Variants in GALNTL6 observed in about 807,000 individuals in gnomAD.
The protein encoded by GALNTL6 is polypeptide N-acetylgalactosaminyltransferase like 6.
GALNTL6 carries 46 observed loss-of-function variants against 73.7 expected under a neutral mutation model. That is an observed-to-expected ratio of 0.62 (90% CI 0.49 to 0.80). The LOEUF (loss-of-function observed/expected upper bound fraction) is 0.80. GALNTL6 is among the 30% of genes least tolerant of loss of function. The pLI is 0.00. For missense variants in GALNTL6, 604 were observed against 755.0 expected, an observed-to-expected ratio of 0.80 and a Z score of 2.34; for synonymous variants, 259 against 263.7, an observed-to-expected ratio of 0.98 and a Z score of 0.17.
At chr4:172,288,534 T>A (rs1174454212) in intron 3 of GALNTL6, among the ~76,000 whole-genome samples, 2 of 152,188 alleles carry the variant, frequency 1.3e-5, no homozygotes, top group African/African-American at 4.8e-5. Flanking sequence ...AAATATGGAA[T>A]AATTATTTAA....
intron 3 of GALNTL6, among the ~76,000 whole-genome samples, chr4:172,277,337 C>T (rs1319433668): frequency 6.6e-6 from 1 of 151,904 alleles, no homozygotes; most frequent in African/African-American, 2.4e-5. Flanking sequence ...AATGGGTTGA[C>T]GCTGTTGTTA....
At position 171,961,277 on chromosome 4, in the gene GALNTL6, A is replaced by T. The variant is rs72993035; in HGVS notation, c.138+146559A>T. 9.2e-3 allele frequency among the ~76,000 whole-genome samples: 1,400 copies of T among 152,264 alleles called. 26 individuals are homozygous for T. Among genetic ancestry groups the T allele is most frequent in the African/African-American group, 0.032 (1,324 of 41,526 alleles). The stretch of plus-strand genomic sequence containing the variant: ...GTAAACTGTCTTCATACCTTGTCTA[A>T]CAGTCCCTGTACAGGGTTCCTGACC... On this transcript the variant is annotated intron_variant, in intron 2 of 12. Transcript: ENST00000506823.
intron 5 of GALNTL6, among the ~76,000 whole-genome samples, chr4:172,709,139 T>G (rs921169337): frequency 6.6e-6 from 1 of 152,182 alleles, no homozygotes; most frequent in Non-Finnish European, 1.5e-5. Context: ...GATGATCACA[T>G]GCAGGTTTTC....
At chr4:172,110,764 G>C (rs572287939) in intron 2 of GALNTL6, among the ~76,000 whole-genome samples, 62 of 152,210 alleles carry the variant, frequency 4.1e-4, no homozygotes, top group African/African-American at 1.5e-3. Flanking sequence ...ATATCTTAAT[G>C]TTAAATGTTG....
At chr4:172,045,664 T>C (rs906301155) in intron 2 of GALNTL6, among the ~76,000 whole-genome samples, 31 of 151,854 alleles carry the variant, frequency 2.0e-4, no homozygotes, top group Admixed American at 1.8e-3. Context: ...TTTTCTTTAA[T>C]AGAAAATATC....
chr4:172,826,816 C>T (rs1186901776), intron 7 of GALNTL6, among the ~76,000 whole-genome samples: 1 of 152,232 alleles, frequency 6.6e-6, no homozygotes, highest in Non-Finnish European at 1.5e-5. Flanking sequence ...AACTTGGTCT[C>T]TTATGGGTAG....
intron 5 of GALNTL6, among the ~76,000 whole-genome samples, chr4:172,426,770 T>C (rs1231875588): frequency 6.6e-6 from 1 of 152,122 alleles, no homozygotes; most frequent in Admixed American, 6.6e-5. Flanking sequence ...GATTTTCCTC[T>C]AGTAAAAATA....
chr4:172,933,770 C>G (rs1239595199), intron 9 of GALNTL6, among the ~76,000 whole-genome samples: 1 of 152,146 alleles, frequency 6.6e-6, no homozygotes, highest in Admixed American at 6.5e-5. Context: ...ATATATACTT[C>G]AAATGCAGGG....
At chr4:172,779,362 C>T (rs544152286) in intron 5 of GALNTL6, among the ~76,000 whole-genome samples, 2 of 152,190 alleles carry the variant, frequency 1.3e-5, no homozygotes, top group East Asian at 3.9e-4. Flanking sequence ...CTCAACTCTC[C>T]TAAATACCTG....
At chr4:172,335,611 T>A (rs186087998) in intron 4 of GALNTL6, among the ~76,000 whole-genome samples, 41 of 152,314 alleles carry the variant, frequency 2.7e-4, no homozygotes, top group African/African-American at 7.0e-4. Context: ...TATTGCTGAA[T>A]TCAAATTTGG....
intron 5 of GALNTL6, among the ~76,000 whole-genome samples, chr4:172,489,067 T>C (rs770062526): frequency 2.6e-4 from 40 of 152,360 alleles, no homozygotes; most frequent in Admixed American, 7.2e-4. Context: ...GCATTTATAC[T>C]CAAGCATACC....
intron 2 of GALNTL6, among the ~76,000 whole-genome samples, chr4:172,083,839 C>G (rs1402149723): frequency 6.6e-6 from 1 of 152,108 alleles, no homozygotes; most frequent in Non-Finnish European, 1.5e-5. Flanking sequence ...GTTCTAATGA[C>G]CATAACAATG....
intron 2 of GALNTL6, among the ~76,000 whole-genome samples, chr4:172,212,658 T>A (rs72702807): frequency 0.38 from 58,226 of 151,840 alleles, 11,333 homozygotes; most frequent in Non-Finnish European, 0.41. Context: ...ACCACTGCTC[T>A]TATATTTTTA....
intron 2 of GALNTL6, among the ~76,000 whole-genome samples, chr4:171,847,629 A>G (rs141080539): frequency 3.0e-4 from 45 of 152,304 alleles, no homozygotes; most frequent in African/African-American, 1.0e-3. Flanking sequence ...AACTAAGTTT[A>G]TGTAATAATC....
At chr4:172,749,259 C>T (rs1737291338) in intron 5 of GALNTL6, among the ~76,000 whole-genome samples, 1 of 151,994 alleles carries the variant, frequency 6.6e-6, no homozygotes, top group African/African-American at 2.4e-5. Context: ...CTTGGTCTAT[C>T]CTCCATACCT....
At chr4:172,914,426 A>C (rs887663214) in intron 8 of GALNTL6, among the ~76,000 whole-genome samples, 2 of 152,252 alleles carry the variant, frequency 1.3e-5, no homozygotes, top group African/African-American at 4.8e-5. Context: ...AATGGGCTAC[A>C]TGCCCCAATT....
rs185308859 is a variant in GALNTL6, at chr4:172,671,172, T to C, written c.554-138189T>C. Among the ~76,000 whole-genome samples, 679 of 152,324 alleles carry C rather than the reference T, an allele frequency of 4.5e-3. 3 individuals are homozygous for C. Among genetic ancestry groups the C allele is most frequent in the African/African-American group, 0.015 (638 of 41,562 alleles). On this transcript the variant is annotated intron_variant, in intron 5 of 12. Transcript: ENST00000506823. ...CCATATGAATTTCAAAATAGTTTTT[T>C]CTAGTTCTGTGAAAAATGTCAGTGG...
At chr4:172,426,910 G>A (rs1731250697) in intron 5 of GALNTL6, among the ~76,000 whole-genome samples, 1 of 76,856 alleles carries the variant, frequency 1.3e-5, no homozygotes, top group Non-Finnish European at 2.6e-5. Context: ...TCTTATGTAA[G>A]GACTCTTATA....
At chr4:172,325,618 A>G (rs1488224121) in intron 4 of GALNTL6, among the ~76,000 whole-genome samples, 1 of 151,974 alleles carries the variant, frequency 6.6e-6, no homozygotes, top group South Asian at 2.1e-4. Flanking sequence ...TGAGACAACT[A>G]TCAATCACTT....
Sources: allele counts gnomAD v4.1 joint callset (sites outside exome capture counted in the v4.1 genomes callset), GRCh38; gene constraint gnomAD v4.1.1; transcripts MANE v1.5; gene names NCBI Gene and HGNC (gene_info 2026-07-23, HGNC 2026-07-21).